The following CAMTA1 variants were observed in gnomAD, a reference collection of about 807,000 sequenced individuals.
CAMTA1 encodes calmodulin binding transcription activator 1, also known as calmodulin-binding transcription activator 1.
A neutral mutation model predicts 170.9 loss-of-function variants in CAMTA1; 27 were observed. That is an observed-to-expected ratio of 0.16 (90% confidence interval 0.12 to 0.22). CAMTA1 has a LOEUF of 0.22. Among genes scored for constraint, CAMTA1 ranks in the 10% least tolerant of loss-of-function variants. The pLI is 1.00. For missense variants in CAMTA1, 1,619 were observed against 2,217.2 expected, an observed-to-expected ratio of 0.73 and a Z score of 5.42; for synonymous variants, 833 against 891.5, an observed-to-expected ratio of 0.93 and a Z score of 1.17.
At chr1:7,242,771 A>AAATAAATAAATAAAT (rs1553285049) in intron 4 of CAMTA1, among the ~76,000 whole-genome samples, 3 of 145,468 alleles carry the variant, frequency 2.1e-5, no homozygotes, top group African/African-American at 7.7e-5. Context: ...TACTGAAAAT[A>AAATAAATAAATAAAT]AAATAAATAA....
intron 5 of CAMTA1, among the ~76,000 whole-genome samples, chr1:7,436,906 C>T (rs1487529591): frequency 3.9e-5 from 6 of 151,928 alleles, no homozygotes; most frequent in African/African-American, 9.7e-5. Flanking sequence ...TTGTGGGTGC[C>T]GGGTACCAAA....
At chr1:7,382,942 A>T (rs2087510339) in intron 5 of CAMTA1, among the ~76,000 whole-genome samples, 3 of 152,198 alleles carry the variant, frequency 2.0e-5, no homozygotes, top group Admixed American at 2.0e-4. Flanking sequence ...CAATGAGTTC[A>T]TTTATTTATA....
At chr1:7,102,240 G>A (rs1368429160) in intron 4 of CAMTA1, among the ~76,000 whole-genome samples, 3 of 152,132 alleles carry the variant, frequency 2.0e-5, no homozygotes, top group Admixed American at 2.0e-4. Context: ...GGAATTTATT[G>A]TTAATTAAGC....
chr1:7,157,449 T>C (rs968833996), intron 4 of CAMTA1, among the ~76,000 whole-genome samples: 1 of 151,834 alleles, frequency 6.6e-6, no homozygotes, highest in South Asian at 2.1e-4. Context: ...AAAAGGTAGC[T>C]ATCAAAAGTC....
intron 3 of CAMTA1, among the ~76,000 whole-genome samples, chr1:6,839,275 G>A (rs1182950464): frequency 2.0e-5 from 3 of 151,826 alleles, no homozygotes; most frequent in Non-Finnish European, 2.9e-5. Context: ...CCAGCTACTC[G>A]GGAGGCTGAG....
chr1:7,509,459 T>C (rs1426850096), intron 6 of CAMTA1, among the ~76,000 whole-genome samples: 1 of 152,286 alleles, frequency 6.6e-6, no homozygotes, highest in East Asian at 1.9e-4. Flanking sequence ...CAGCAGGCTT[T>C]ATAGTCCACA....
At chr1:7,369,500 G>A (rs1374432493) in intron 5 of CAMTA1, among the ~76,000 whole-genome samples, 1 of 152,196 alleles carries the variant, frequency 6.6e-6, no homozygotes, top group Non-Finnish European at 1.5e-5. Context: ...TTATCAGAGT[G>A]AAAGGACACA....
chr1:7,133,332 T>G (rs542902669), intron 4 of CAMTA1, among the ~76,000 whole-genome samples: 36 of 152,330 alleles, frequency 2.4e-4, no homozygotes, highest in Non-Finnish European at 4.1e-4. Context: ...TTTTAAGGAT[T>G]TGTCTATTTA....
chr1:7,684,661 C>T (rs1316837576), intron 11 of CAMTA1, among the ~76,000 whole-genome samples: 1 of 152,192 alleles, frequency 6.6e-6, no homozygotes, highest in Admixed American at 6.5e-5. Flanking sequence ...TTAAGGCCAA[C>T]CCCATCCGGT....
At chr1:6,962,090 C>G (rs1001762670) in intron 3 of CAMTA1, among the ~76,000 whole-genome samples, 1 of 152,172 alleles carries the variant, frequency 6.6e-6, no homozygotes, top group Non-Finnish European at 1.5e-5. Flanking sequence ...GAGCCTGGAG[C>G]CTGCTGCTTT....
At chr1:7,672,817 CA>C (rs1269516245) in intron 10 of CAMTA1, among the ~76,000 whole-genome samples, 1 of 152,064 alleles carries the variant, frequency 6.6e-6, no homozygotes, top group Non-Finnish European at 1.5e-5. Flanking sequence ...CCATCTTCCC[CA>C]AAAAGTTCCC....
rs2150210030 is a variant in CAMTA1, at chr1:7,555,008, A to T, written c.511-85392A>T. ...CTGCCTCTGTCAACAGTGGGTAATG[A>T]TGTGTGAATGCTGGCACCTCCCAGT... On this transcript the variant is annotated intron_variant, in intron 6 of 22. Coordinates refer to ENST00000303635, the MANE Select transcript of CAMTA1 (RefSeq NM_015215.4). Among the ~76,000 whole-genome samples the T allele has an allele frequency of 2.0e-5, 3 of 152,022 alleles. No homozygotes were observed. In the Middle Eastern group the frequency reaches 0.01, roughly 517 times the overall value.
At chr1:7,112,391 C>T (rs1344780376) in intron 4 of CAMTA1, among the ~76,000 whole-genome samples, 1 of 152,196 alleles carries the variant, frequency 6.6e-6, no homozygotes, top group East Asian at 1.9e-4. Flanking sequence ...GGCCATTCCA[C>T]CATGTTTTTC....
At chr1:7,690,606 C>T (rs1239351491) in intron 11 of CAMTA1, among the ~76,000 whole-genome samples, 1 of 152,232 alleles carries the variant, frequency 6.6e-6, no homozygotes, top group Non-Finnish European at 1.5e-5. Flanking sequence ...CAGCAAAACA[C>T]CTTCTGGCAC....
intron 4 of CAMTA1, among the ~76,000 whole-genome samples, chr1:7,167,218 G>T (rs982778456): frequency 6.6e-6 from 1 of 152,068 alleles, no homozygotes; most frequent in Non-Finnish European, 1.5e-5. Flanking sequence ...TTAGGAGTTT[G>T]GTTTGGCTTT....
chr1:7,295,311 C>T (rs1673774484), intron 5 of CAMTA1, among the ~76,000 whole-genome samples: 1 of 152,182 alleles, frequency 6.6e-6, no homozygotes, highest in Non-Finnish European at 1.5e-5. Flanking sequence ...CATTGCATCT[C>T]CATCTGTGAT....
rs868154314 is a variant in CAMTA1, at chr1:7,744,194, C to T, written c.4183-641C>T. On this transcript the variant is annotated intron_variant, in intron 16 of 22. Coordinates refer to ENST00000303635, the MANE Select transcript of CAMTA1 (RefSeq NM_015215.4). ...TCGCCCAGGCTGGAGTGCAGTGGCG[C>T]GATCTTGGTTCACTGCAACCTCCAC... Among the ~76,000 whole-genome samples, 9 of 140,880 alleles carry T rather than the reference C, an allele frequency of 6.4e-5. No homozygotes were observed. In the South Asian group the frequency reaches 1.1e-3, roughly 17 times the overall value. The allele number at this position is 140,880 out of a possible 152,430, so 92.4% of individuals were successfully genotyped here. A position where few individuals can be genotyped will look rare whatever the true frequency, so the allele number is the denominator to read the frequency against.
intron 7 of CAMTA1, among the ~76,000 whole-genome samples, chr1:7,656,500 A>G (rs569373891): frequency 1.3e-4 from 20 of 152,366 alleles, no homozygotes; most frequent in African/African-American, 4.6e-4. Context: ...TTCCAAATAC[A>G]GTCACATTGG....
chr1:7,663,881 C>G lies in CAMTA1; in HGVS notation c.1334C>G (p.Pro445Arg). 1 of 1,614,016 alleles carries G rather than the reference C, an allele frequency of 6.2e-7. No individual in the cohort carries two copies. The highest frequency in any genetic ancestry group is 8.5e-7 in the Non-Finnish European group (1 of 1,180,050). ...VSSDGHKFAF[P>R]TTGSSESLSM... Reference sequence around the variant, plus strand: ...TCTGATGGCCACAAGTTCGCCTTTCCCACCACGGGCAGCTCGGAGAGCCTG... The same window carrying G: ...TCTGATGGCCACAAGTTCGCCTTTCGCACCACGGGCAGCTCGGAGAGCCTG... The change falls in exon 9 of 23, where the codon CCC becomes CGC. Residue 445 changes from proline to arginine, a missense_variant. Transcript: ENST00000303635.
Sources: allele counts gnomAD v4.1 joint callset (sites outside exome capture counted in the v4.1 genomes callset), GRCh38; gene constraint gnomAD v4.1.1; transcripts MANE v1.5; gene names NCBI Gene and HGNC (gene_info 2026-07-23, HGNC 2026-07-21).